EFCAB11: variants seen among roughly 807,000 people sequenced by gnomAD.
EFCAB11 encodes the protein EF-hand calcium binding domain 11, also known as EF-hand calcium-binding domain-containing protein 11.
In EFCAB11, 14 loss-of-function variants were observed where a neutral mutation model predicts 23.0. That is an observed-to-expected ratio of 0.61 (90% CI 0.40 to 0.95). EFCAB11 has a LOEUF of 0.95. Among genes scored for constraint, EFCAB11 ranks in the 40% least tolerant of loss-of-function variants. The pLI, the probability that EFCAB11 is intolerant of heterozygous loss-of-function variation, is 0.00. For synonymous variants in EFCAB11, 65 were observed against 66.6 expected, an observed-to-expected ratio of 0.98 and a Z score of 0.11; for missense variants, 198 against 195.8, an observed-to-expected ratio of 1.01 and a Z score of -0.07.
chr14:89,877,631 A>C (rs1257282648), intron 5 of EFCAB11, among the ~76,000 whole-genome samples: 1 of 152,180 alleles, frequency 6.6e-6, no homozygotes, highest in Non-Finnish European at 1.5e-5. Context: ...TTCTGTCATT[A>C]GTGGTACATA....
chr14:89,814,955 C>T (rs1376509892), intron 5 of EFCAB11, among the ~76,000 whole-genome samples: 2 of 152,174 alleles, frequency 1.3e-5, no homozygotes, highest in African/African-American at 2.4e-5. Context: ...AAGCTGTGTA[C>T]ACACTGCAAG....
chr14:89,914,791 GAA>G (rs993182463), intron 5 of EFCAB11, among the ~76,000 whole-genome samples: 1 of 129,898 alleles, frequency 7.7e-6, no homozygotes, highest in African/African-American at 2.8e-5. Flanking sequence ...GTCTCGAAAA[GAA>G]AAAAAAAAAA....
chr14:89,917,433 T>A (rs1007487479), intron 5 of EFCAB11, among the ~76,000 whole-genome samples: 20 of 152,216 alleles, frequency 1.3e-4, no homozygotes, highest in African/African-American at 4.8e-4. Context: ...CCTTCTTTTT[T>A]AAGGCTGAAT....
chr14:89,913,449 C>T (rs900543559), intron 5 of EFCAB11, among the ~76,000 whole-genome samples: 1 of 152,138 alleles, frequency 6.6e-6, no homozygotes, highest in Non-Finnish European at 1.5e-5. Flanking sequence ...GTTTGTTTGA[C>T]TTCCATTTTC....
chr14:89,930,790 G>T (rs1025867116), intron 5 of EFCAB11, among the ~76,000 whole-genome samples: 1 of 152,096 alleles, frequency 6.6e-6, no homozygotes, highest in Non-Finnish European at 1.5e-5. Context: ...TTGAGTTTCC[G>T]TTCTTTTGGG....
chr14:89,846,799 T>C (rs1347835483), intron 5 of EFCAB11, among the ~76,000 whole-genome samples: 2 of 152,210 alleles, frequency 1.3e-5, no homozygotes, highest in African/African-American at 2.4e-5. Context: ...GTTATACTGA[T>C]GACTGTCTTT....
rs67216494 is a variant in EFCAB11 at position 89,834,403 on chromosome 14, A to AAAAAC, written c.411-37080_411-37079insGTTTT. Among the ~76,000 whole-genome samples the AAAAAC allele has an allele frequency of 6.3e-3, 640 of 101,376 alleles. 90 individuals carry two copies. Among genetic ancestry groups the AAAAAC allele is most frequent in the African/African-American group, 8.5e-3 (232 of 27,412 alleles). The allele number at this position is 101,376 out of a possible 152,430, so 66.5% of individuals were successfully genotyped here. On this transcript the variant is annotated intron_variant, in intron 5 of 5. Transcript: ENST00000316738. ...AAAAAAAAAAAAAAAAAAAAAAAAAACCTTTTTGTTTAAACTTCTAAAGAT... is the reference window on the plus strand; with the variant it reads ...AAAAAAAAAAAAAAAAAAAAAAAAAAAAAACCCTTTTTGTTTAAACTTCTAAAGAT...
chr14:89,902,514 T>C (rs376404609), intron 5 of EFCAB11, among the ~76,000 whole-genome samples: 120 of 152,288 alleles, frequency 7.9e-4, no homozygotes, highest in African/African-American at 2.6e-3. Context: ...CACTTTCCAG[T>C]AGATTAATAA....
At chr14:89,941,170 C>T (rs1596467931) in intron 3 of EFCAB11, among the ~76,000 whole-genome samples, 1 of 152,196 alleles carries the variant, frequency 6.6e-6, no homozygotes, top group East Asian at 1.9e-4. Flanking sequence ...TTATGCCTCT[C>T]TAGAAAAATT....
chr14:89,835,251 A>G lies in EFCAB11; in HGVS notation c.411-37927T>C, dbSNP rs568673490. ...GGCCCAGCATGTTTACACTGCTGAT[A>G]CAGGCTGAGGTCCCTTATCTGAAAT... On this transcript the variant is annotated intron_variant, in intron 5 of 5. Coordinates refer to ENST00000316738, the MANE Select transcript of EFCAB11 (RefSeq NM_145231.4). Among the ~76,000 whole-genome samples the G allele has an allele frequency of 2.6e-5, 4 of 152,318 alleles. No homozygotes were observed. The East Asian group carries it at 7.7e-4, about 29-fold the overall frequency.
At chr14:89,859,338 C>T (rs1249445042) in intron 5 of EFCAB11, among the ~76,000 whole-genome samples, 1 of 152,184 alleles carries the variant, frequency 6.6e-6, no homozygotes, top group Admixed American at 6.5e-5. Flanking sequence ...CTCTTATTCA[C>T]AAATATTTCT....
chr14:89,947,934 A>G (rs1375450950), intron 3 of EFCAB11, among the ~76,000 whole-genome samples: 2 of 151,740 alleles, frequency 1.3e-5, no homozygotes, highest in African/African-American at 4.8e-5. Context: ...ACACTTCTCA[A>G]ACATACTCAA....
chr14:89,826,889 G>A (rs1440253145), intron 5 of EFCAB11, among the ~76,000 whole-genome samples: 2 of 152,108 alleles, frequency 1.3e-5, no homozygotes, highest in South Asian at 2.1e-4. Context: ...GCCACGGCAT[G>A]ACCCGATTAC....
At chr14:89,940,952 C>T (rs187387595) in intron 3 of EFCAB11, among the ~76,000 whole-genome samples, 22 of 152,262 alleles carry the variant, frequency 1.4e-4, no homozygotes, top group Admixed American at 1.2e-3. Context: ...AGTCAGACCA[C>T]CTGAGATATG....
chr14:89,926,114 C>T (rs979569781), intron 5 of EFCAB11, among the ~76,000 whole-genome samples: 3 of 152,004 alleles, frequency 2.0e-5, no homozygotes, highest in East Asian at 1.9e-4. Context: ...CGCACCCACC[C>T]GAAAGTTTTA....
At chr14:89,805,061 C>T (rs1431551392) in intron 5 of EFCAB11, among the ~76,000 whole-genome samples, 2 of 152,184 alleles carry the variant, frequency 1.3e-5, no homozygotes, top group Non-Finnish European at 2.9e-5. Context: ...TTAGGATGAA[C>T]TGTGAAGGGT....
At chr14:89,809,845 G>C (rs992746491) in intron 5 of EFCAB11, among the ~76,000 whole-genome samples, 1 of 152,146 alleles carries the variant, frequency 6.6e-6, no homozygotes, top group African/African-American at 2.4e-5. Context: ...AGGATAAACA[G>C]TGATTAAAGA....
At chr14:89,824,799 A>C (rs1038267927) in intron 5 of EFCAB11, among the ~76,000 whole-genome samples, 1 of 152,194 alleles carries the variant, frequency 6.6e-6, no homozygotes, top group African/African-American at 2.4e-5. Context: ...TCGATTAATC[A>C]AGAAGACATA....
At chr14:89,898,285 T>C (rs1889232506) in intron 5 of EFCAB11, among the ~76,000 whole-genome samples, 1 of 152,186 alleles carries the variant, frequency 6.6e-6, no homozygotes, top group Admixed American at 6.5e-5. Context: ...TGAAAATCTA[T>C]GCATGACCCT....
Sources: allele counts gnomAD v4.1 joint callset (sites outside exome capture counted in the v4.1 genomes callset), GRCh38; gene constraint gnomAD v4.1.1; transcripts MANE v1.5; gene names NCBI Gene and HGNC (gene_info 2026-07-23, HGNC 2026-07-21).